The following UNC80 variants were observed in gnomAD, a reference collection of about 807,000 sequenced individuals.
UNC80 encodes unc-80 subunit of NALCN channel complex, also known as protein unc-80 homolog.
Under a neutral mutation model 384.6 loss-of-function variants are expected in UNC80, and 164 were observed. The observed-to-expected ratio is 0.43, with a 90% confidence interval of 0.38 to 0.49. UNC80 has a LOEUF of 0.49. UNC80 is among the 20% of genes least tolerant of loss of function. The pLI is 0.00. For missense variants in UNC80, 3,330 were observed against 4,143.0 expected, an observed-to-expected ratio of 0.80 and a Z score of 5.39; for synonymous variants, 1,486 against 1,527.8, an observed-to-expected ratio of 0.97 and a Z score of 0.64.
intron 31 of UNC80, among the ~76,000 whole-genome samples, chr2:209,916,473 A>G (rs1047877456): frequency 6.6e-6 from 1 of 152,244 alleles, no homozygotes; most frequent in Admixed American, 6.5e-5. Flanking sequence ...AGATTATGAT[A>G]GAACTCTGCA....
intron 43 of UNC80, 68 bp downstream of exon 43, chr2:209,939,720 T>TTTA: frequency 7.3e-7 from 1 of 1,363,842 alleles, no homozygotes. Context: ...TTTTTAAAAT[T>TTTA]TTATTATTAT....
Position 209,908,121 on chromosome 2 carries a change from G to C in UNC80, c.4782+3156G>C, listed in dbSNP as rs188499294. On this transcript the variant is annotated intron_variant, in intron 29 of 64. Transcript: ENST00000673920. ...CTCTCATGATACTTTTCATTTGCCT[G>C]TTGTGAATCTGCCAGATAAATGAAC... is the stretch of plus-strand genomic sequence containing the variant. Among the ~76,000 whole-genome samples, 9 of 152,304 alleles carry C rather than the reference G, an allele frequency of 5.9e-5. 2 individuals are homozygous for C. Among genetic ancestry groups the C allele is most frequent in the Admixed American group, 4.6e-4 (7 of 15,304 alleles).
At chr2:209,873,056 C>A in intron 23 of UNC80, 86 bp downstream of exon 23, 2 of 1,271,204 alleles carry the variant, frequency 1.6e-6, no homozygotes, top group Non-Finnish European at 1.1e-6. Context: ...GTTTTGAAGA[C>A]AATTTATTGA....
intron 49 of UNC80, among the ~76,000 whole-genome samples, chr2:209,957,964 T>A (rs1395485323): frequency 6.6e-6 from 1 of 152,226 alleles, no homozygotes; most frequent in Non-Finnish European, 1.5e-5. Context: ...TGTGTTGTTT[T>A]GTTTGCTTGA....
At chr2:209,912,921 C>T (rs1370735699) in intron 30 of UNC80, among the ~76,000 whole-genome samples, 1 of 152,218 alleles carries the variant, frequency 6.6e-6, no homozygotes, top group East Asian at 1.9e-4. Context: ...GTCTTCACTG[C>T]AGGAGAGCTA....
chr2:209,785,778 A>G (rs1264238578), intron 4 of UNC80, among the ~76,000 whole-genome samples: 1 of 152,228 alleles, frequency 6.6e-6, no homozygotes, highest in Non-Finnish European at 1.5e-5. Context: ...CAATCACTGC[A>G]AACACAAAAC....
chr2:209,928,418 G>A (rs573309386), intron 36 of UNC80, among the ~76,000 whole-genome samples: 1 of 152,210 alleles, frequency 6.6e-6, no homozygotes, highest in East Asian at 1.9e-4. Flanking sequence ...GTTAATAGTT[G>A]TTTCTGTGAT....
At chr2:209,904,576 G>T (rs1477202204) in intron 28 of UNC80, among the ~76,000 whole-genome samples, 189 bp from the exon 29 acceptor site, 1 of 152,188 alleles carries the variant, frequency 6.6e-6, no homozygotes, top group Non-Finnish European at 1.5e-5. Flanking sequence ...AAGTATGAAT[G>T]GGGGGAGAAC....
At chr2:209,788,853 C>T (rs931591556) in intron 5 of UNC80, among the ~76,000 whole-genome samples, 1 of 152,054 alleles carries the variant, frequency 6.6e-6, no homozygotes, top group Non-Finnish European at 1.5e-5. Context: ...CATATTCACT[C>T]ACTACTCACT....
chr2:209,972,095 A>C (rs2092902701), intron 54 of UNC80, 106 bp from the exon 55 acceptor site: 3 of 1,374,878 alleles, frequency 2.2e-6, no homozygotes, highest in Non-Finnish European at 2.9e-6. Flanking sequence ...CATAGTTTAC[A>C]GGAGCAGCCA....
chr2:209,960,363 T>G (rs1165253841), intron 51 of UNC80, among the ~76,000 whole-genome samples: 1 of 152,216 alleles, frequency 6.6e-6, no homozygotes, highest in African/African-American at 2.4e-5. Flanking sequence ...CCTACAGAGA[T>G]GCCATTTCAC....
At chr2:209,885,525 TC>T (rs1379290705) in intron 25 of UNC80, among the ~76,000 whole-genome samples, 1 of 152,192 alleles carries the variant, frequency 6.6e-6, no homozygotes, top group Non-Finnish European at 1.5e-5. Context: ...GAAATTTCCC[TC>T]ATTAGATTTG....
chr2:209,954,856 T>G (rs1043927425), intron 48 of UNC80, among the ~76,000 whole-genome samples: 4 of 152,044 alleles, frequency 2.6e-5, no homozygotes, highest in Non-Finnish European at 5.9e-5. Flanking sequence ...AATGGTAAGG[T>G]AAATTGGCAC....
intron 45 of UNC80, among the ~76,000 whole-genome samples, chr2:209,944,620 C>T (rs1575101835): frequency 6.6e-6 from 1 of 152,088 alleles, no homozygotes; most frequent in Non-Finnish European, 1.5e-5. Context: ...TTGTAAGTAT[C>T]TCCATGTGGA....
At chr2:209,963,682 C>CA (rs1314325212) in intron 51 of UNC80, among the ~76,000 whole-genome samples, 1 of 152,052 alleles carries the variant, frequency 6.6e-6, no homozygotes, top group Non-Finnish European at 1.5e-5. Flanking sequence ...AAGAGATAAA[C>CA]AAAAGAATGT....
chr2:209,789,667 G>A, intron 6 of UNC80, 62 bp downstream of exon 6: 1 of 1,205,174 alleles, frequency 8.3e-7, no homozygotes, highest in Non-Finnish European at 1.2e-6. Flanking sequence ...AGTGTAGTGT[G>A]AAGGGAAAGA....
chr2:209,955,730 TATATATATAC>T (rs1333135771), intron 48 of UNC80, among the ~76,000 whole-genome samples: 3 of 63,942 alleles, frequency 4.7e-5, no homozygotes, highest in African/African-American at 3.1e-4. Flanking sequence ...TATATATATA[TATATATATAC>T]ACACACACAC....
In UNC80 at chr2:209,839,308, G is replaced by A. The variant is rs1253035578; in HGVS notation, c.3128G>A (p.Ser1043Asn). The change falls in exon 19 of 65, where the codon AGC becomes AAC. Residue 1043 changes from serine to asparagine, a missense_variant. Around this residue, in one of 8 missense-constraint regions of UNC80, gnomAD observed 801 missense variants for 950.8 expected, o/e 0.84. Coordinates refer to ENST00000673920, the MANE Select transcript of UNC80 (RefSeq NM_001371986.1). The surrounding 1 kb of genome is among the most constrained non-coding windows in gnomAD (Gnocchi z 4.1). Reference sequence around the variant, plus strand: ...TCCCAGAGTGCAGCAAGTGACACCAGCAGCCAGTCTGAACAGGACACTTCA... The same window carrying A: ...TCCCAGAGTGCAGCAAGTGACACCAACAGCCAGTCTGAACAGGACACTTCA... Reference protein sequence around the residue: ...FKSQSAASDTSSQSEQDTSEC... With the variant: ...FKSQSAASDTNSQSEQDTSEC... 1 of 1,551,678 alleles carries A rather than the reference G, an allele frequency of 6.4e-7. No individual in the cohort carries two copies. Among genetic ancestry groups the A allele is most frequent in the Non-Finnish European group, 8.7e-7 (1 of 1,147,008 alleles).
At position 209,771,957 on chromosome 2, in the gene UNC80, G is replaced by C. The variant is rs911092995; in HGVS notation, c.-116G>C. 4.0e-6 allele frequency: 3 copies of C among 742,384 alleles called. No individual in the cohort carries two copies. The highest frequency in any genetic ancestry group is 3.6e-5 in the African/African-American group (2 of 55,664). The allele number at this position is 742,384 out of a possible 1,614,324, so 46.0% of individuals were successfully genotyped here. A position where few individuals can be genotyped will look rare whatever the true frequency, so the allele number is the denominator to read the frequency against. Reference sequence around the variant, plus strand: ...ACGGGGGATCAGGGCGGAGAGAGCCGGCTCTGCCTCGGGGAAGGAGGGGAT... The same window carrying C: ...ACGGGGGATCAGGGCGGAGAGAGCCCGCTCTGCCTCGGGGAAGGAGGGGAT... On this transcript the variant is annotated 5_prime_UTR_variant, in exon 1 of 65. Transcript: ENST00000673920.
Sources: allele counts gnomAD v4.1 joint callset (sites outside exome capture counted in the v4.1 genomes callset), GRCh38; gene constraint gnomAD v4.1.1; regional missense constraint gnomAD v4.1.1; non-coding constraint Gnocchi (gnomAD v3.1); transcripts MANE v1.5; gene names NCBI Gene and HGNC (gene_info 2026-07-23, HGNC 2026-07-21).